The following MARCHF6 variants were observed in gnomAD, a reference collection of about 807,000 sequenced individuals.
MARCHF6 encodes the protein E3 ubiquitin-protein ligase MARCHF6.
A neutral mutation model predicts 133.7 loss-of-function variants in MARCHF6; 31 were observed. The observed-to-expected ratio is 0.23, with a 90% CI of 0.17 to 0.31. MARCHF6 has a LOEUF of 0.31. Ranked by LOEUF, MARCHF6 falls within the 10% of genes least tolerant of loss-of-function variation. MARCHF6 has a pLI of 1.00. For synonymous variants in MARCHF6, 395 were observed against 402.5 expected (o/e 0.98, Z 0.22); for missense variants, 723 against 1,121.6 (o/e 0.64, Z 5.08).
Position 10,391,736 on chromosome 5 carries a change from T to C in MARCHF6, c.766+5T>C, listed in dbSNP as rs199828984. 9.3e-5 allele frequency: 142 copies of C among 1,527,474 alleles called. No individual in the cohort carries two copies. Among genetic ancestry groups the C allele is most frequent in the Non-Finnish European group, 1.1e-4 (130 of 1,137,366 alleles). The allele number at this position is 1,527,474 out of a possible 1,614,324, so 94.6% of individuals were successfully genotyped here. On this transcript the variant is annotated splice_donor_5th_base_variant and intron_variant, in intron 7 of 25. Coordinates refer to ENST00000274140, the MANE Select transcript of MARCHF6 (RefSeq NM_005885.4). ...ATGCTAATAACGGAGCCCAGGGTAA[T>C]GGCTGCTTGTGTGTCCTCACTCTTC...
chr5:10,356,305 C>T (rs1052200323), intron 1 of MARCHF6, among the ~76,000 whole-genome samples: 5 of 151,042 alleles, frequency 3.3e-5, no homozygotes, highest in African/African-American at 9.7e-5. Flanking sequence ...GTATCACCTA[C>T]TTTTGAAAAC....
At chr5:10,373,007 C>T (rs1464578519) in intron 1 of MARCHF6, among the ~76,000 whole-genome samples, 1 of 151,812 alleles carries the variant, frequency 6.6e-6, no homozygotes, top group Non-Finnish European at 1.5e-5. Context: ...TTACAGTGAG[C>T]TATGGTGGTG....
intron 1 of MARCHF6, among the ~76,000 whole-genome samples, chr5:10,354,347 ACTT>A (rs1561087203): frequency 6.6e-6 from 1 of 152,110 alleles, no homozygotes; most frequent in Non-Finnish European, 1.5e-5. Flanking sequence ...TCGCGACAGA[ACTT>A]CTTTGTTGAC....
intron 1 of MARCHF6, among the ~76,000 whole-genome samples, chr5:10,356,347 A>G: frequency 1.1e-5 from 1 of 88,722 alleles, no homozygotes; most frequent in South Asian, 3.8e-4. Flanking sequence ...TTTTTTATTT[A>G]TTTTATTTTA....
intron 23 of MARCHF6, among the ~76,000 whole-genome samples, chr5:10,426,011 TATA>T (rs1192453284): frequency 3.3e-5 from 5 of 152,204 alleles, no homozygotes; most frequent in East Asian, 1.9e-4. Flanking sequence ...TGCAATATTG[TATA>T]ATAACACAAT....
Position 10,435,655 on chromosome 5 carries a change from A to T in MARCHF6, c.*1971A>T, listed in dbSNP as rs530614538. ...ACTATATAACTATATATATATATAT[A>T]TATATATATATATATATATATATAT... is the stretch of plus-strand genomic sequence containing the variant. On this transcript the variant is annotated 3_prime_UTR_variant, in exon 26 of 26. Transcript: ENST00000274140. 1 of 3,196 alleles carries T rather than the reference A, an allele frequency of 3.1e-4. No individual in the cohort carries two copies. Among genetic ancestry groups the T allele is most frequent in the Non-Finnish European group, 5.6e-4 (1 of 1,790 alleles). The allele number at this position is 3,196 out of a possible 1,614,324, so 0.2% of individuals were successfully genotyped here. A position where few individuals can be genotyped will look rare whatever the true frequency, so the allele number is the denominator to read the frequency against.
rs1641681369 is a variant in MARCHF6, at chr5:10,435,521, C to T, written c.*1837C>T. ...ACCTTTACTCAGAAATTTAGTCCTACTATAAAAAATTAGGATTTTAAAATA... is the reference window on the plus strand; with the variant it reads ...ACCTTTACTCAGAAATTTAGTCCTATTATAAAAAATTAGGATTTTAAAATA... On this transcript the variant is annotated 3_prime_UTR_variant, in exon 26 of 26. Transcript: ENST00000274140. 2 of 148,342 alleles carry T rather than the reference C, an allele frequency of 1.3e-5. No individual in the cohort carries two copies. The highest frequency in any genetic ancestry group is 3.0e-5 in the Non-Finnish European group (2 of 67,308). 9.2% of individuals were successfully genotyped at this position (148,342 alleles called of 1,614,324 possible). A position where few individuals can be genotyped will look rare whatever the true frequency, so the allele number is the denominator to read the frequency against.
At chr5:10,382,255 C>G (rs923568536) in intron 4 of MARCHF6, among the ~76,000 whole-genome samples, 1 of 152,060 alleles carries the variant, frequency 6.6e-6, no homozygotes, top group South Asian at 2.1e-4. Flanking sequence ...TCAAGGGCTA[C>G]AAAAGACGGC....
At chr5:10,400,360 A>G (rs1738451973) in intron 10 of MARCHF6, among the ~76,000 whole-genome samples, 1 of 152,160 alleles carries the variant, frequency 6.6e-6, no homozygotes, top group Non-Finnish European at 1.5e-5. Context: ...TTGGTGTATT[A>G]ACTATTCACA....
chr5:10,403,875 G>A (rs1050161881), intron 15 of MARCHF6, among the ~76,000 whole-genome samples: 1 of 152,084 alleles, frequency 6.6e-6, no homozygotes, highest in African/African-American at 2.4e-5. Context: ...TGATGTGAGT[G>A]TGTCTCAGAC....
chr5:10,430,736 C>G (rs1740324547), intron 25 of MARCHF6, among the ~76,000 whole-genome samples: 2 of 152,174 alleles, frequency 1.3e-5, no homozygotes, highest in African/African-American at 2.4e-5. Context: ...TGCATAAGCC[C>G]CTCTTGCTTA....
intron 1 of MARCHF6, chr5:10,354,128 G>A (rs1735287586): frequency 2.8e-6 from 1 of 359,912 alleles, no homozygotes; most frequent in Non-Finnish European, 4.8e-6. Flanking sequence ...GAGGGGGGCG[G>A]GGACCCTGCC....
chr5:10,359,132 A>C (rs1735658805), intron 1 of MARCHF6, among the ~76,000 whole-genome samples: 1 of 152,208 alleles, frequency 6.6e-6, no homozygotes, highest in South Asian at 2.1e-4. Context: ...CATTTAGTGC[A>C]GTACCCTAAA....
chr5:10,416,076 C>T (rs183209565), intron 21 of MARCHF6, among the ~76,000 whole-genome samples: 2 of 150,602 alleles, frequency 1.3e-5, no homozygotes, highest in Admixed American at 6.6e-5. Flanking sequence ...TCTTTATACA[C>T]GTGCATGCAC....
intron 5 of MARCHF6, among the ~76,000 whole-genome samples, chr5:10,387,589 C>A (rs11133607): frequency 0.54 from 82,310 of 152,008 alleles, 23,709 homozygotes; most frequent in Non-Finnish European, 0.65. Flanking sequence ...AGGCGTGAGC[C>A]ACCGCGCCCG....
At chr5:10,423,668 C>A in intron 22 of MARCHF6, 67 bp from the exon 23 acceptor site, 3 of 1,006,466 alleles carry the variant, frequency 3.0e-6, no homozygotes, top group Non-Finnish European at 4.5e-6. Context: ...GAAAATTATA[C>A]AGCCTCTCTG....
chr5:10,396,917 G>A (rs1465711923), intron 9 of MARCHF6, among the ~76,000 whole-genome samples: 4 of 152,168 alleles, frequency 2.6e-5, no homozygotes, highest in African/African-American at 9.7e-5. Context: ...ACGTTAACAT[G>A]ATGTTTACAA....
intron 22 of MARCHF6, among the ~76,000 whole-genome samples, chr5:10,419,270 A>G (rs961924496): frequency 3.9e-5 from 6 of 152,160 alleles, no homozygotes; most frequent in African/African-American, 1.4e-4. Flanking sequence ...ATTGCATGAG[A>G]TAGTCACTAC....
At chr5:10,381,281 A>C (rs1737125445) in intron 3 of MARCHF6, among the ~76,000 whole-genome samples, 1 of 152,234 alleles carries the variant, frequency 6.6e-6, no homozygotes, top group Non-Finnish European at 1.5e-5. Context: ...TTTAAGTATT[A>C]TGCTAACATC....
Sources: gnomAD v4.1 joint callset for allele counts (sites outside exome capture counted in the v4.1 genomes callset) on GRCh38, gnomAD v4.1.1 for gene constraint, MANE v1.5 for transcripts, NCBI Gene and HGNC (gene_info 2026-07-23, HGNC 2026-07-21) for gene names.